UGT2B7: variants seen among roughly 807,000 people sequenced by gnomAD.
UGT2B7 encodes the protein UDP glucuronosyltransferase family 2 member B7.
UGT2B7 carries 51 observed loss-of-function variants against 51.9 expected under a neutral mutation model. The observed-to-expected ratio is 0.98, with a 90% confidence interval of 0.78 to 1.24. The LOEUF (loss-of-function observed/expected upper bound fraction) is 1.24, where lower values mean the gene tolerates loss of function less well. Ranked by LOEUF, UGT2B7 falls within the 50% of genes most tolerant of loss-of-function variation. UGT2B7 has a pLI of 0.00. For synonymous variants in UGT2B7, 225 were observed against 211.6 expected (o/e 1.06, Z -0.55); for missense variants, 727 against 628.4 (o/e 1.16, Z -1.68).
At chr4:69,079,634 A>G (rs1433857685) in intron 1 of UGT2B7, among the ~76,000 whole-genome samples, 1 of 152,122 alleles carries the variant, frequency 6.6e-6, no homozygotes, top group East Asian at 1.9e-4. Context: ...TTAACGTTGC[A>G]TTCATTCTTA....
chr4:69,107,959 A>T, intron 4 of UGT2B7, 144 bp from the exon 5 acceptor site: 1 of 988,428 alleles, frequency 1.0e-6, no homozygotes, highest in Middle Eastern at 3.2e-4. Flanking sequence ...CAGTACAAGT[A>T]CGTGTTTTTT....
chr4:69,075,082 C>G (rs936523215), intron 1 of UGT2B7, among the ~76,000 whole-genome samples: 1 of 152,080 alleles, frequency 6.6e-6, no homozygotes, highest in South Asian at 2.1e-4. Context: ...TAAATTCACA[C>G]AATTTTTAGG....
At chr4:69,070,564 T>A (rs1395668410) in intron 1 of UGT2B7, among the ~76,000 whole-genome samples, 3 of 151,714 alleles carry the variant, frequency 2.0e-5, no homozygotes, top group Non-Finnish European at 4.4e-5. Context: ...AAGACAAAGG[T>A]AACTGAGACT....
intron 2 of UGT2B7, among the ~76,000 whole-genome samples, chr4:69,099,278 A>T (rs971933884): frequency 1.4e-5 from 2 of 138,966 alleles, no homozygotes; most frequent in East Asian, 4.3e-4. Flanking sequence ...AAAAAAAAAA[A>T]GAAGCAGGTA....
chr4:69,053,426 AAATATT>A (rs1373946005), intron 1 of UGT2B7, among the ~76,000 whole-genome samples: 1 of 152,212 alleles, frequency 6.6e-6, no homozygotes, highest in Non-Finnish European at 1.5e-5. Context: ...GAAATAGATC[AAATATT>A]CCATCTGCAC....
chr4:69,085,308 G>T (rs1360512762), intron 1 of UGT2B7, among the ~76,000 whole-genome samples: 4 of 152,066 alleles, frequency 2.6e-5, no homozygotes, highest in Non-Finnish European at 5.9e-5. Flanking sequence ...TTTTGATGGG[G>T]TTGTTTGTTT....
chr4:69,102,275 T>A (rs1243663525), intron 2 of UGT2B7, among the ~76,000 whole-genome samples: 1 of 152,110 alleles, frequency 6.6e-6, no homozygotes, highest in Non-Finnish European at 1.5e-5. Flanking sequence ...GAAACATAAA[T>A]GTAGATATAA....
At chr4:69,090,286 G>C (rs1719057242) in intron 2 of UGT2B7, among the ~76,000 whole-genome samples, 1 of 152,010 alleles carries the variant, frequency 6.6e-6, no homozygotes, top group Non-Finnish European at 1.5e-5. Context: ...AAGCATGTAT[G>C]CTAATTAGGA....
chr4:69,064,052 G>A (rs1315655223), intron 1 of UGT2B7, among the ~76,000 whole-genome samples: 1 of 93,352 alleles, frequency 1.1e-5, no homozygotes, highest in East Asian at 3.1e-4. Flanking sequence ...AAGAAAGAAA[G>A]AAAGAAAGAA....
intron 1 of UGT2B7, among the ~76,000 whole-genome samples, chr4:69,053,576 T>TAA (rs1312905597): frequency 1.6e-4 from 24 of 152,298 alleles, no homozygotes; most frequent in African/African-American, 5.8e-4. Flanking sequence ...TTCTACAGCC[T>TAA]GGAGTAATAA....
rs548173775 is a variant in UGT2B7 at position 69,053,643 on chromosome 4, G to A, written c.-159+2041G>A. ...AGTCCCTGTGGGTCAGCCTCCGAGG[G>A]CCATCCAGCTTCCATCTCCCAACAC... On this transcript the variant is annotated intron_variant, in intron 1 of 5. Coordinates refer to the UGT2B7 transcript ENST00000502942. 2.0e-5 allele frequency among the ~76,000 whole-genome samples: 3 copies of A among 152,266 alleles called. 1 individual carries two copies. In the South Asian group the frequency reaches 6.2e-4, roughly 32 times the overall value.
Position 69,107,209 on chromosome 4 carries a change from C to A in UGT2B7, c.1037C>A (p.Thr346Asn), listed in dbSNP as rs752827623. The change falls in exon 4 of 6, where the codon ACC becomes AAC. Residue 346 changes from threonine (T) to asparagine (N), a missense_variant. By Grantham distance (65) the Thr-to-Asn change is moderately conservative. Coordinates refer to ENST00000305231, the MANE Select transcript of UGT2B7 (RefSeq NM_001074.4). Reference protein sequence around the residue: ...LWRFDGNKPDTLGLNTRLYKW... With the variant: ...LWRFDGNKPDNLGLNTRLYKW... ...AGATTTGATGGGAATAAACCAGATA[C>A]CTTAGGTCTCAATACTCGGCTCTAC... is the stretch of plus-strand genomic sequence containing the variant. 2.5e-6 allele frequency: 4 copies of A among 1,609,384 alleles called. No homozygotes were observed. Among genetic ancestry groups the A allele is most frequent in the South Asian group, 1.1e-5 (1 of 90,726 alleles).
intron 1 of UGT2B7, among the ~76,000 whole-genome samples, chr4:69,085,335 T>C (rs1718925985): frequency 6.6e-6 from 1 of 152,154 alleles, no homozygotes; most frequent in African/African-American, 2.4e-5. Flanking sequence ...TGTAAATTTG[T>C]TTAACTGTTT....
chr4:69,060,439 A>G (rs1008410614), intron 1 of UGT2B7, among the ~76,000 whole-genome samples: 2 of 152,208 alleles, frequency 1.3e-5, no homozygotes, highest in African/African-American at 4.8e-5. Flanking sequence ...CAAAGAGGGG[A>G]AAAAGGAGCT....
chr4:69,107,845 C>A (rs1719650451), intron 4 of UGT2B7, among the ~76,000 whole-genome samples: 1 of 152,058 alleles, frequency 6.6e-6, no homozygotes, highest in Non-Finnish European at 1.5e-5. Context: ...CTTTTTTGCA[C>A]ATTTTTGAAA....
rs1718998752 is a variant in UGT2B7, at chr4:69,087,921, G to C, written c.-158-1551G>C. Among the ~76,000 whole-genome samples, 3 of 151,730 alleles carry C rather than the reference G, an allele frequency of 2.0e-5. No individual in the cohort carries two copies. The East Asian group carries it at 5.8e-4, about 29-fold the overall frequency. On this transcript the variant is annotated intron_variant, in intron 1 of 5. Transcript: ENST00000502942. ...ACAATTTAAATAGGATGTGCCTTTGGGAAATACTCTTCGGATTAAATTTGA... is the reference window on the plus strand; with the variant it reads ...ACAATTTAAATAGGATGTGCCTTTGCGAAATACTCTTCGGATTAAATTTGA...
intron 1 of UGT2B7, among the ~76,000 whole-genome samples, chr4:69,089,315 C>T (rs1719032042): frequency 6.6e-6 from 1 of 152,122 alleles, no homozygotes; most frequent in African/African-American, 2.4e-5. Flanking sequence ...GTTTCCAACA[C>T]AAACTTTCTT....
At chr4:69,074,426 A>C (rs192383273) in intron 1 of UGT2B7, among the ~76,000 whole-genome samples, 4 of 110,854 alleles carry the variant, frequency 3.6e-5, no homozygotes, top group African/African-American at 1.6e-4. Flanking sequence ...ACCTTATCTT[A>C]AATATATATA....
At position 69,097,242 on chromosome 4, in the gene UGT2B7, GT is replaced by G; in HGVS notation, c.721+2del. ...GATCAGTTTTATAGTGAAGTTCTAG[GT>G]AAGTATTTTTTTCAATCAGTAACAT... On this transcript the variant is annotated splice_donor_variant, in intron 1 of 5. Coordinates refer to ENST00000305231, the MANE Select transcript of UGT2B7 (RefSeq NM_001074.4). LOFTEE classifies it high-confidence loss of function. 1.2e-6 allele frequency: 2 copies of G among 1,600,440 alleles called. No homozygotes were observed. Among genetic ancestry groups the G allele is most frequent in the Non-Finnish European group, 1.7e-6 (2 of 1,176,286 alleles).
Sources: allele counts gnomAD v4.1 joint callset (sites outside exome capture counted in the v4.1 genomes callset), GRCh38; gene constraint gnomAD v4.1.1; transcripts MANE v1.5; gene names NCBI Gene and HGNC (gene_info 2026-07-23, HGNC 2026-07-21).